The following ROCK2 variants were observed in gnomAD, a reference collection of about 807,000 sequenced individuals.
ROCK2 encodes the protein rho-associated protein kinase 2.
A neutral mutation model predicts 195.1 loss-of-function variants in ROCK2; 61 were observed. The ratio of observed to expected loss-of-function variants is 0.31; its 90% CI spans 0.25 to 0.39. The LOEUF is 0.39. Ranked by LOEUF, ROCK2 falls within the 10% of genes least tolerant of loss-of-function variation. The probability of loss-of-function intolerance (pLI) is 1.00; values close to 1 mark genes in which losing one functional copy is unlikely to be tolerated. For missense variants in ROCK2, 1,109 were observed against 1,637.4 expected (o/e 0.68, Z 5.57); for synonymous variants, 504 against 545.5 (o/e 0.92, Z 1.06).
At chr2:11,266,302 G>A (rs1311215185) in intron 3 of ROCK2, among the ~76,000 whole-genome samples, 1 of 152,190 alleles carries the variant, frequency 6.6e-6, no homozygotes, top group Non-Finnish European at 1.5e-5. Flanking sequence ...CATGAGTAAT[G>A]TGTTGGAACT....
intron 3 of ROCK2, among the ~76,000 whole-genome samples, chr2:11,254,663 G>A (rs570674210): frequency 1.4e-3 from 203 of 141,688 alleles, no homozygotes; most frequent in African/African-American, 5.0e-3. Context: ...GGGAAGCTGA[G>A]GCAGGAGGAC....
chr2:11,342,948 C>T (rs1014728986), intron 1 of ROCK2, among the ~76,000 whole-genome samples: 5 of 152,192 alleles, frequency 3.3e-5, no homozygotes, highest in African/African-American at 7.2e-5. Flanking sequence ...GTCCGTCCGT[C>T]CCTGGAAAGG....
At chr2:11,225,134 A>G (rs568769102) in intron 6 of ROCK2, among the ~76,000 whole-genome samples, 107 of 152,326 alleles carry the variant, frequency 7.0e-4, no homozygotes, top group African/African-American at 2.5e-3. Context: ...ACATATAGCT[A>G]GAGTTGAAAG....
intron 5 of ROCK2, among the ~76,000 whole-genome samples, chr2:11,227,863 C>T (rs1199664579): frequency 1.3e-5 from 2 of 151,972 alleles, no homozygotes; most frequent in Non-Finnish European, 2.9e-5. Flanking sequence ...AAAGAATTGG[C>T]TCTTGTATTA....
intron 1 of ROCK2, among the ~76,000 whole-genome samples, chr2:11,327,445 A>G (rs1668583354): frequency 6.6e-6 from 1 of 152,236 alleles, no homozygotes; most frequent in Non-Finnish European, 1.5e-5. Flanking sequence ...GGGAAACTAT[A>G]AAGCCAGAGT....
chr2:11,198,996 G>T (rs1162296520), intron 23 of ROCK2, among the ~76,000 whole-genome samples: 3 of 151,912 alleles, frequency 2.0e-5, no homozygotes. Flanking sequence ...CGCCTCCTGG[G>T]TTCAAGTGAT....
chr2:11,219,246 C>T lies in ROCK2; in HGVS notation c.1260-220G>A, dbSNP rs537251066. Among the ~76,000 whole-genome samples, 269 of 150,120 alleles carry T rather than the reference C, an allele frequency of 1.8e-3. 1 individual carries two copies. The highest frequency in any genetic ancestry group is 6.4e-3 in the African/African-American group (262 of 40,894). On this transcript the variant is annotated intron_variant, in intron 9 of 32. Coordinates refer to ENST00000315872, the MANE Select transcript of ROCK2 (RefSeq NM_004850.5). Reference sequence around the variant, plus strand: ...AGGCGTGGTGGTTCACACCTATAATCCCAGCACTTTGGGAGGTCAAGGCGG... The same window carrying T: ...AGGCGTGGTGGTTCACACCTATAATTCCAGCACTTTGGGAGGTCAAGGCGG...
chr2:11,323,848 T>A (rs991895160), intron 1 of ROCK2, among the ~76,000 whole-genome samples: 3 of 152,144 alleles, frequency 2.0e-5, no homozygotes, highest in Non-Finnish European at 4.4e-5. Flanking sequence ...GACACATCAT[T>A]ATCCCCCAAA....
intron 1 of ROCK2, among the ~76,000 whole-genome samples, chr2:11,315,497 G>A (rs541674641): frequency 2.9e-4 from 44 of 151,322 alleles, no homozygotes; most frequent in Non-Finnish European, 3.5e-4. Context: ...TATCTGAGTC[G>A]GCATAATATA....
Position 11,325,753 on chromosome 2 carries a change from T to C in ROCK2, c.141+18243A>G, listed in dbSNP as rs542741342. 4.6e-5 allele frequency among the ~76,000 whole-genome samples: 7 copies of C among 151,788 alleles called. No individual in the cohort carries two copies. The South Asian group carries it at 1.5e-3, about 32-fold the overall frequency. Reference sequence around the variant, plus strand: ...TTTCATAATTAGTCTGGCTGGAGAGTAGAAAATGGATAAAAGACTAGAAAA... The same window carrying C: ...TTTCATAATTAGTCTGGCTGGAGAGCAGAAAATGGATAAAAGACTAGAAAA... On this transcript the variant is annotated intron_variant, in intron 1 of 32. Coordinates refer to ENST00000315872, the MANE Select transcript of ROCK2 (RefSeq NM_004850.5).
At chr2:11,190,704 G>T (rs1233088664) in intron 32 of ROCK2, among the ~76,000 whole-genome samples, 4 of 152,070 alleles carry the variant, frequency 2.6e-5, no homozygotes. Context: ...AAGAGCAAAT[G>T]AGATAATATA....
intron 20 of ROCK2, 88 bp from the exon 21 acceptor site, chr2:11,202,209 G>A: frequency 4.9e-6 from 5 of 1,021,830 alleles, no homozygotes; most frequent in Non-Finnish European, 7.7e-6. Flanking sequence ...GAAGCCCTGG[G>A]AGTCTCTGAG....
At chr2:11,297,230 A>ATTCTAC (rs1302667431) in intron 1 of ROCK2, among the ~76,000 whole-genome samples, 1 of 152,134 alleles carries the variant, frequency 6.6e-6, no homozygotes, top group African/African-American at 2.4e-5. Flanking sequence ...ATGTATAATA[A>ATTCTAC]TTCTACTTAA....
At chr2:11,227,673 A>C (rs1664862435) in intron 5 of ROCK2, among the ~76,000 whole-genome samples, 1 of 152,232 alleles carries the variant, frequency 6.6e-6, no homozygotes, top group Non-Finnish European at 1.5e-5. Flanking sequence ...TGGAGATTCC[A>C]TGCAAATCAA....
intron 3 of ROCK2, among the ~76,000 whole-genome samples, chr2:11,270,973 T>A (rs888559443): frequency 2.7e-4 from 41 of 150,024 alleles, no homozygotes; most frequent in African/African-American, 1.0e-3. Context: ...AGGTGTAGAG[T>A]GAGGCAATGT....
intron 4 of ROCK2, among the ~76,000 whole-genome samples, chr2:11,237,013 G>A (rs1020968100): frequency 1.1e-4 from 17 of 152,212 alleles, no homozygotes; most frequent in South Asian, 1.0e-3. Flanking sequence ...TTAGCCAGGC[G>A]TAGTGGCAGG....
At chr2:11,277,155 G>A (rs539974686) in intron 3 of ROCK2, among the ~76,000 whole-genome samples, 15 of 152,100 alleles carry the variant, frequency 9.9e-5, no homozygotes, top group African/African-American at 7.2e-5. Context: ...TACTATTAAC[G>A]AAGTCCAGAG....
chr2:11,283,084 T>C (rs908901504), intron 3 of ROCK2, among the ~76,000 whole-genome samples: 3 of 136,244 alleles, frequency 2.2e-5, no homozygotes, highest in East Asian at 2.6e-4. Context: ...CTGGCCAACA[T>C]GGTGAAACCC....
intron 1 of ROCK2, among the ~76,000 whole-genome samples, chr2:11,330,727 GGGAAGAT>G (rs1668691879): frequency 9.5e-6 from 1 of 104,820 alleles, no homozygotes; most frequent in Non-Finnish European, 2.0e-5. Flanking sequence ...CAAGGGAGGA[GGGAAGAT>G]GAGGAGGGAG....
Sources: gnomAD v4.1 joint callset for allele counts (sites outside exome capture counted in the v4.1 genomes callset) on GRCh38, gnomAD v4.1.1 for gene constraint, MANE v1.5 for transcripts, NCBI Gene and HGNC (gene_info 2026-07-23, HGNC 2026-07-21) for gene names.